The following CBLN4 variants were observed in gnomAD, a reference collection of about 807,000 sequenced individuals.
The protein encoded by CBLN4 is cerebellin-4.
Under a neutral mutation model 14.9 loss-of-function variants are expected in CBLN4, and 7 were observed. The ratio of observed to expected loss-of-function variants is 0.47; its 90% CI spans 0.27 to 0.88. The LOEUF (loss-of-function observed/expected upper bound fraction) is 0.88, where lower values mean the gene tolerates loss of function less well. Ranked by LOEUF, CBLN4 falls within the 40% of genes least tolerant of loss-of-function variation. The pLI is 0.14. For missense variants in CBLN4, 188 were observed against 256.8 expected, an observed-to-expected ratio of 0.73 and a Z score of 1.83; for synonymous variants, 131 against 116.5, an observed-to-expected ratio of 1.12 and a Z score of -0.80.
At position 56,004,551 on chromosome 20, in the gene CBLN4, A is replaced by C; in HGVS notation, c.-380T>G. 3 of 176,314 alleles carry C rather than the reference A, an allele frequency of 1.7e-5. No individual in the cohort carries two copies. The highest frequency in any genetic ancestry group is 3.5e-5 in the Non-Finnish European group (3 of 84,668). 10.9% of individuals were successfully genotyped at this position (176,314 alleles called of 1,614,324 possible). Reference sequence around the variant, plus strand: ...ATAATAATAATAAATTCTCACCCCAAACTCAAGCACCACCAGCTAAACCAC... The same window carrying C: ...ATAATAATAATAAATTCTCACCCCACACTCAAGCACCACCAGCTAAACCAC... On this transcript the variant is annotated 5_prime_UTR_variant, in exon 1 of 3. Transcript: ENST00000064571. This position sits in a 1 kb window ranked among gnomAD's most constrained non-coding sequence, Gnocchi z 6.1.
chr20:56,001,807 T>C (rs976987068), intron 1 of CBLN4, among the ~76,000 whole-genome samples: 8 of 152,184 alleles, frequency 5.3e-5, no homozygotes, highest in Non-Finnish European at 1.0e-4. Context: ...TTTTAATAAG[T>C]GACCTCTTAA....
Position 55,998,249 on chromosome 20 carries a change from C to T in CBLN4, c.*308G>A. The T allele has an allele frequency of 1.2e-5, 4 of 333,554 alleles. No individual in the cohort carries two copies. Among genetic ancestry groups the T allele is most frequent in the Admixed American group, 4.5e-5 (1 of 22,004 alleles). 20.7% of individuals were successfully genotyped at this position (333,554 alleles called of 1,614,324 possible). A position where few individuals can be genotyped will look rare whatever the true frequency, so the allele number is the denominator to read the frequency against. On this transcript the variant is annotated 3_prime_UTR_variant, in exon 3 of 3. Coordinates refer to ENST00000064571, the MANE Select transcript of CBLN4 (RefSeq NM_080617.6). ...TTTTAAAACTAAACAAATAAAATTC[C>T]ACATCTGTAACTAATTCAGTAATCC...
At position 56,004,468 on chromosome 20, in the gene CBLN4, G is replaced by T. The variant is rs1986431743; in HGVS notation, c.-297C>A. ...GCCTGGGGCCCCTGCACCCACTCTG[G>T]TTCCTAGACATCTGAAAGTCATCAA... On this transcript the variant is annotated 5_prime_UTR_variant, in exon 1 of 3. Coordinates refer to ENST00000064571, the MANE Select transcript of CBLN4 (RefSeq NM_080617.6). This position sits in a 1 kb window ranked among gnomAD's most constrained non-coding sequence, Gnocchi z 6.1. 1 of 356,038 alleles carries T rather than the reference G, an allele frequency of 2.8e-6. No homozygotes were observed. Among genetic ancestry groups the T allele is most frequent in the Non-Finnish European group, 5.0e-6 (1 of 200,022 alleles). The allele number at this position is 356,038 out of a possible 1,614,324, so 22.1% of individuals were successfully genotyped here.
chr20:56,001,264 C>T (rs940765081), intron 1 of CBLN4, among the ~76,000 whole-genome samples: 4 of 152,188 alleles, frequency 2.6e-5, no homozygotes, highest in Non-Finnish European at 4.4e-5. Flanking sequence ...GGATAAAAGG[C>T]ACCCGCTATG....
intron 2 of CBLN4, among the ~76,000 whole-genome samples, 165 bp from the exon 3 acceptor site, chr20:55,998,919 C>T (rs1300684073): frequency 6.6e-6 from 1 of 152,136 alleles, no homozygotes; most frequent in African/African-American, 2.4e-5. Flanking sequence ...CCATACTTCA[C>T]ATGTCTGCTG....
intron 2 of CBLN4, among the ~76,000 whole-genome samples, chr20:55,999,547 G>C (rs1434598755): frequency 6.6e-6 from 1 of 152,188 alleles, no homozygotes; most frequent in Non-Finnish European, 1.5e-5. Context: ...AGGATTGCTT[G>C]AACTCAGGGG....
At position 55,997,607 on chromosome 20, in the gene CBLN4, T is replaced by C. The variant is rs964095103; in HGVS notation, c.*950A>G. On this transcript the variant is annotated 3_prime_UTR_variant, in exon 3 of 3. Transcript: ENST00000064571. Reference sequence around the variant, plus strand: ...TTTAAAGAGTTAAGGCAAAACCAGATGATACTTCAAATACAACAGAAGCCT... The same window carrying C: ...TTTAAAGAGTTAAGGCAAAACCAGACGATACTTCAAATACAACAGAAGCCT... 2 of 152,080 alleles carry C rather than the reference T, an allele frequency of 1.3e-5. No homozygotes were observed. Among genetic ancestry groups the C allele is most frequent in the Admixed American group, 6.6e-5 (1 of 15,220 alleles). 9.4% of individuals were successfully genotyped at this position (152,080 alleles called of 1,614,324 possible).
At chr20:55,999,981 T>C (rs1042945291) in intron 2 of CBLN4, among the ~76,000 whole-genome samples, 2 of 152,252 alleles carry the variant, frequency 1.3e-5, no homozygotes, top group African/African-American at 2.4e-5. Flanking sequence ...CTATCATTCA[T>C]ATTGACATAA....
rs764549533 is a variant in CBLN4, at chr20:56,004,160, C to T, written c.12G>A (p.Gly4=). 4.6e-6 allele frequency: 7 copies of T among 1,536,252 alleles called. No homozygotes were observed. Among genetic ancestry groups the T allele is most frequent in the South Asian group, 2.4e-5 (2 of 84,690 alleles). The change falls in exon 1 of 3, where the codon GGG becomes GGA. Residue 4 remains glycine (G), a synonymous_variant. Coordinates refer to ENST00000064571, the MANE Select transcript of CBLN4 (RefSeq NM_080617.6). The surrounding 1 kb of genome is among the most constrained non-coding windows in gnomAD (Gnocchi z 6.1). MGS[G]RRALSAVPAV... ...CCGGCACCGCGGACAGCGCCCGGCG[C>T]CCGGAGCCCATGGTGAGCCGTGTGG...
Position 55,997,972 on chromosome 20 carries a change from C to T in CBLN4, c.*585G>A, listed in dbSNP as rs757496180. 3.3e-5 allele frequency: 5 copies of T among 151,372 alleles called. No individual in the cohort carries two copies. The highest frequency in any genetic ancestry group is 1.9e-4 in the East Asian group (1 of 5,160). 9.4% of individuals were successfully genotyped at this position (151,372 alleles called of 1,614,324 possible). A position where few individuals can be genotyped will look rare whatever the true frequency, so the allele number is the denominator to read the frequency against. On this transcript the variant is annotated 3_prime_UTR_variant, in exon 3 of 3. Transcript: ENST00000064571. ...TCTTTTTTTTTGAGAGAAGTCATGT[C>T]GATGATATCGTAGTCAAGGTAAATT...
At chr20:55,999,434 T>C (rs183474394) in intron 2 of CBLN4, among the ~76,000 whole-genome samples, 14 of 152,080 alleles carry the variant, frequency 9.2e-5, no homozygotes, top group Non-Finnish European at 4.4e-5. Context: ...CTGGGCAACA[T>C]AGCAGGACCT....
chr20:55,999,845 C>G (rs565156708), intron 2 of CBLN4, among the ~76,000 whole-genome samples: 1 of 152,176 alleles, frequency 6.6e-6, no homozygotes, highest in East Asian at 1.9e-4. Context: ...AAAACTTTTC[C>G]ATGGAAGTAA....
chr20:56,003,622 G>A (rs1024323634), intron 1 of CBLN4, among the ~76,000 whole-genome samples: 9 of 152,142 alleles, frequency 5.9e-5, no homozygotes, highest in African/African-American at 1.9e-4. Context: ...TCTCGCTGCC[G>A]GGCTCTGGGC....
chr20:55,997,718 GT>G lies in CBLN4; in HGVS notation c.*838del, dbSNP rs1364222718. Reference sequence around the variant, plus strand: ...TCTACGGAAAAAAAAAAAACCTTAGGTTTTTAATAAAGTGGTTATTATCAAT... The same window carrying G: ...TCTACGGAAAAAAAAAAAACCTTAGGTTTTAATAAAGTGGTTATTATCAAT... On this transcript the variant is annotated 3_prime_UTR_variant, in exon 3 of 3. Transcript: ENST00000064571. 4 of 152,338 alleles carry G rather than the reference GT, an allele frequency of 2.6e-5. No homozygotes were observed. The highest frequency in any genetic ancestry group is 6.6e-5 in the Admixed American group (1 of 15,264). The allele number at this position is 152,338 out of a possible 1,614,324, so 9.4% of individuals were successfully genotyped here.
chr20:56,003,966 G>A lies in CBLN4; in HGVS notation c.206C>T (p.Ser69Phe). The change falls in exon 1 of 3, where the codon TCC (serine) becomes TTC (phenylalanine). Residue 69 changes from serine to phenylalanine, a missense_variant. By Grantham distance (155) the Ser-to-Phe change is radical. This residue lies in a region of CBLN4 where 95 missense variants were observed against 99.2 expected (regional missense o/e 0.96). Coordinates refer to ENST00000064571, the MANE Select transcript of CBLN4 (RefSeq NM_080617.6). ...CCGCACCGCCGAGAAGGCGACCTTGGAGTTGGCCGCCCGGACCGATATCCC... is the reference window on the plus strand; with the variant it reads ...CCGCACCGCCGAGAAGGCGACCTTGAAGTTGGCCGCCCGGACCGATATCCC... The part of the protein sequence containing the change: ...PLGISVRAAN[S>F]KVAFSAVRST... 6.2e-7 allele frequency: 1 copy of A among 1,614,040 alleles called. No homozygotes were observed. Among genetic ancestry groups the A allele is most frequent in the Non-Finnish European group, 8.5e-7 (1 of 1,180,010 alleles).
chr20:56,001,399 C>T (rs1415702260), intron 1 of CBLN4, among the ~76,000 whole-genome samples: 7 of 152,236 alleles, frequency 4.6e-5, no homozygotes, highest in Admixed American at 1.3e-4. Flanking sequence ...TGGGTACCCC[C>T]TCCACCATGT....
chr20:56,002,233 G>GAT (rs1986387742), intron 1 of CBLN4, among the ~76,000 whole-genome samples: 1 of 152,192 alleles, frequency 6.6e-6, no homozygotes, highest in Non-Finnish European at 1.5e-5. Flanking sequence ...GTAACCTGAT[G>GAT]ATAGATGGTC....
intron 1 of CBLN4, 58 bp from the exon 2 acceptor site, chr20:56,000,905 T>C (rs1986357174): frequency 1.2e-6 from 1 of 842,306 alleles, no homozygotes; most frequent in Non-Finnish European, 1.7e-6. Context: ...GTAACTAAAA[T>C]GAATTTTCTT....
At position 56,004,486 on chromosome 20, in the gene CBLN4, GTCA is replaced by G. The variant is rs1986431918; in HGVS notation, c.-318_-316del. On this transcript the variant is annotated 5_prime_UTR_variant, in exon 1 of 3. The change abolishes an upstream ATG in the 5' untranslated region. Transcript: ENST00000064571. This position sits in a 1 kb window ranked among gnomAD's most constrained non-coding sequence, Gnocchi z 6.1. ...CACTCTGGTTCCTAGACATCTGAAA[GTCA>G]TCAAACCCTCACATTCACACCTCAA... The G allele has an allele frequency of 3.1e-6, 1 of 326,408 alleles. No homozygotes were observed. The highest frequency in any genetic ancestry group is 5.5e-6 in the Non-Finnish European group (1 of 181,164). The allele number at this position is 326,408 out of a possible 1,614,324, so 20.2% of individuals were successfully genotyped here. A position where few individuals can be genotyped will look rare whatever the true frequency, so the allele number is the denominator to read the frequency against.
Sources: gnomAD v4.1 joint callset for allele counts (sites outside exome capture counted in the v4.1 genomes callset) on GRCh38, gnomAD v4.1.1 for gene constraint, gnomAD v4.1.1 regional missense constraint, Gnocchi (gnomAD v3.1) non-coding constraint, MANE v1.5 for transcripts, NCBI Gene and HGNC (gene_info 2026-07-23, HGNC 2026-07-21) for gene names.